ARL15: variants seen among roughly 807,000 people sequenced by gnomAD.
The protein encoded by ARL15 is ADP-ribosylation factor-like protein 15.
ARL15 carries 19 observed loss-of-function variants against 25.2 expected under a neutral mutation model. The ratio of observed to expected loss-of-function variants is 0.75; its 90% CI spans 0.53 to 1.10. The LOEUF is 1.10. Among genes scored for constraint, ARL15 ranks in the 50% least tolerant of loss-of-function variants. ARL15 has a pLI of 0.00. For missense variants in ARL15, 220 were observed against 246.0 expected, an observed-to-expected ratio of 0.89 and a Z score of 0.71; for synonymous variants, 94 against 86.8, an observed-to-expected ratio of 1.08 and a Z score of -0.46.
intron 1 of ARL15, among the ~76,000 whole-genome samples, chr5:54,288,839 C>T (rs543062887): frequency 6.6e-6 from 1 of 152,224 alleles, no homozygotes; most frequent in East Asian, 1.9e-4. Flanking sequence ...TACAATAAGG[C>T]ATATGGGCAA....
intron 4 of ARL15, among the ~76,000 whole-genome samples, chr5:53,917,406 T>C (rs1015450954): frequency 1.5e-4 from 23 of 152,172 alleles, no homozygotes; most frequent in African/African-American, 5.6e-4. Flanking sequence ...AGGGTTTCAT[T>C]CTTCAGAAAT....
At chr5:53,982,840 G>T (rs572219502) in intron 4 of ARL15, among the ~76,000 whole-genome samples, 1 of 151,964 alleles carries the variant, frequency 6.6e-6, no homozygotes, top group Non-Finnish European at 1.5e-5. Flanking sequence ...CATCCTCTCC[G>T]GCACCTGTTG....
chr5:54,265,651 T>C (rs887098198), intron 1 of ARL15, among the ~76,000 whole-genome samples: 2 of 152,190 alleles, frequency 1.3e-5, no homozygotes, highest in Non-Finnish European at 2.9e-5. Context: ...ATGTTAACTA[T>C]TGTAGCTAAG....
intron 4 of ARL15, among the ~76,000 whole-genome samples, chr5:53,977,146 C>T (rs1287618517): frequency 6.6e-6 from 1 of 152,056 alleles, no homozygotes; most frequent in Non-Finnish European, 1.5e-5. Flanking sequence ...ATCACAAGGT[C>T]AGGAGATCAA....
At chr5:54,255,488 C>T (rs2112609197) in intron 1 of ARL15, among the ~76,000 whole-genome samples, 1 of 152,216 alleles carries the variant, frequency 6.6e-6, no homozygotes, top group South Asian at 2.1e-4. Flanking sequence ...TTTCGTCTCC[C>T]TTTAAATTAT....
intron 1 of ARL15, among the ~76,000 whole-genome samples, chr5:54,241,436 C>G (rs376762898): frequency 1.1e-3 from 165 of 152,128 alleles, no homozygotes; most frequent in African/African-American, 3.3e-3. Flanking sequence ...ATATACTCAG[C>G]CTTTTTGTCT....
chr5:54,011,416 G>A (rs757261244), intron 4 of ARL15, among the ~76,000 whole-genome samples: 3 of 152,176 alleles, frequency 2.0e-5, no homozygotes, highest in African/African-American at 4.8e-5. Flanking sequence ...GAAGAGGTTG[G>A]TTTTTTGTTG....
At chr5:54,038,941 C>T (rs553385842) in intron 4 of ARL15, among the ~76,000 whole-genome samples, 25 of 152,264 alleles carry the variant, frequency 1.6e-4, no homozygotes, top group African/African-American at 5.1e-4. Context: ...GTGTCAGACA[C>T]GCCAAGCTCT....
chr5:54,140,425 T>TAGAC (rs1753738244), intron 3 of ARL15, among the ~76,000 whole-genome samples: 1 of 117,916 alleles, frequency 8.5e-6, no homozygotes, highest in South Asian at 2.8e-4. Flanking sequence ...GACAGATAGA[T>TAGAC]AGATAGATAG....
At chr5:53,947,737 G>C (rs1277209573) in intron 4 of ARL15, among the ~76,000 whole-genome samples, 1 of 152,066 alleles carries the variant, frequency 6.6e-6, no homozygotes, top group Non-Finnish European at 1.5e-5. Flanking sequence ...GCAAGACAAG[G>C]ACAATTCACC....
At chr5:54,066,068 C>T (rs1333239491) in intron 4 of ARL15, among the ~76,000 whole-genome samples, 3 of 152,110 alleles carry the variant, frequency 2.0e-5, no homozygotes, top group Non-Finnish European at 4.4e-5. Flanking sequence ...ATCACAATAC[C>T]TCTGTATTTT....
At chr5:54,237,849 A>G (rs1413275919) in intron 1 of ARL15, among the ~76,000 whole-genome samples, 1 of 152,210 alleles carries the variant, frequency 6.6e-6, no homozygotes, top group African/African-American at 2.4e-5. Flanking sequence ...AGCGGGAAAC[A>G]GATGGATGAC....
intron 1 of ARL15, among the ~76,000 whole-genome samples, chr5:54,251,675 A>G (rs1157540470): frequency 6.6e-6 from 1 of 152,232 alleles, no homozygotes; most frequent in Non-Finnish European, 1.5e-5. Flanking sequence ...TAAGGATCCA[A>G]CAAGTAGATT....
chr5:54,110,761 A>G (rs1752716138), intron 4 of ARL15, among the ~76,000 whole-genome samples: 1 of 152,054 alleles, frequency 6.6e-6, no homozygotes, highest in South Asian at 2.1e-4. Flanking sequence ...CTCACTTTTC[A>G]ATCTTCTACT....
At position 54,143,936 on chromosome 5, in the gene ARL15, ATTT is replaced by A. The variant is rs956158681; in HGVS notation, c.253+10641_253+10643del. On this transcript the variant is annotated intron_variant, in intron 3 of 4. Coordinates refer to ENST00000504924, the MANE Select transcript of ARL15 (RefSeq NM_019087.3). Reference sequence around the variant, plus strand: ...TTGCCTTTAAGACACATAAACTTCAATTTTTTTCTTCTTTAAATCATAATCTAT... The same window carrying A: ...TTGCCTTTAAGACACATAAACTTCAATTTTCTTCTTTAAATCATAATCTAT... Among the ~76,000 whole-genome samples, 5 of 151,950 alleles carry A rather than the reference ATTT, an allele frequency of 3.3e-5. No homozygotes were observed. The South Asian group carries it at 1.0e-3, about 32-fold the overall frequency.
In ARL15 at chr5:54,029,366, C is replaced by T. The variant is rs1349161120; in HGVS notation, c.462+83836G>A. Among the ~76,000 whole-genome samples, 4 of 141,724 alleles carry T rather than the reference C, an allele frequency of 2.8e-5. 1 individual carries two copies. The highest frequency in any genetic ancestry group is 7.2e-5 in the Admixed American group (1 of 13,946). 93.0% of individuals were successfully genotyped at this position (141,724 alleles called of 152,430 possible). A position where few individuals can be genotyped will look rare whatever the true frequency, so the allele number is the denominator to read the frequency against. Reference sequence around the variant, plus strand: ...CCACCACCACCACCACCACCACCACCACCACCACCACTACACCTAGAGAAG... The same window carrying T: ...CCACCACCACCACCACCACCACCACTACCACCACCACTACACCTAGAGAAG... On this transcript the variant is annotated intron_variant, in intron 4 of 4. Transcript: ENST00000504924.
chr5:54,094,438 C>T (rs1167659797), intron 4 of ARL15, among the ~76,000 whole-genome samples: 1 of 147,512 alleles, frequency 6.8e-6, no homozygotes, highest in Non-Finnish European at 1.5e-5. Flanking sequence ...AAAAAAAAAA[C>T]CAGTAATGAT....
intron 4 of ARL15, among the ~76,000 whole-genome samples, chr5:53,956,044 T>C (rs1747138352): frequency 6.6e-6 from 1 of 152,052 alleles, no homozygotes; most frequent in African/African-American, 2.4e-5. Context: ...TGTCTATATA[T>C]ACTAGAGAAT....
intron 4 of ARL15, among the ~76,000 whole-genome samples, chr5:53,894,586 G>A (rs764689914): frequency 6.6e-6 from 1 of 152,134 alleles, no homozygotes; most frequent in Non-Finnish European, 1.5e-5. Flanking sequence ...ACCACTATGA[G>A]AGGCACAGTT....
Sources: gnomAD v4.1 joint callset for allele counts (sites outside exome capture counted in the v4.1 genomes callset) on GRCh38, gnomAD v4.1.1 for gene constraint, MANE v1.5 for transcripts, NCBI Gene and HGNC (gene_info 2026-07-23, HGNC 2026-07-21) for gene names.